Variants in TTC29 observed in about 807,000 individuals in gnomAD.
TTC29 encodes the protein tetratricopeptide repeat protein 29.
Under a neutral mutation model 58.1 loss-of-function variants are expected in TTC29, and 49 were observed. That is an observed-to-expected ratio of 0.84 (90% confidence interval 0.67 to 1.07). TTC29 has a LOEUF of 1.07. TTC29 is among the 50% of genes least tolerant of loss of function. The pLI is 0.00. For synonymous variants in TTC29, 209 were observed against 196.8 expected (o/e 1.06, Z -0.52); for missense variants, 582 against 555.6 (o/e 1.05, Z -0.48).
At chr4:146,715,598 T>A (rs1742868424) in intron 11 of TTC29, among the ~76,000 whole-genome samples, 1 of 152,056 alleles carries the variant, frequency 6.6e-6, no homozygotes, top group African/African-American at 2.4e-5. Flanking sequence ...ATAGTGGGTA[T>A]TAGAGGCTGG....
At chr4:146,899,875 C>T (rs963633782) in intron 6 of TTC29, among the ~76,000 whole-genome samples, 1 of 152,174 alleles carries the variant, frequency 6.6e-6, no homozygotes, top group Non-Finnish European at 1.5e-5. Context: ...CCCACTTTAG[C>T]ATGAATGAGG....
intron 11 of TTC29, among the ~76,000 whole-genome samples, chr4:146,749,108 A>G (rs1745770743): frequency 6.6e-6 from 1 of 151,988 alleles, no homozygotes; most frequent in Admixed American, 6.5e-5. Flanking sequence ...GCTTTTAGCC[A>G]GAAATTCAAG....
rs1254505608 is a variant in TTC29 at position 146,803,540 on chromosome 4, A to AT, written c.1246dup (p.Ile416AsnfsTer21). The AT allele has an allele frequency of 2.5e-5, 40 of 1,603,232 alleles. No individual in the cohort carries two copies. Among genetic ancestry groups the AT allele is most frequent in the Non-Finnish European group, 3.2e-5 (38 of 1,174,184 alleles). On this transcript the variant is annotated frameshift_variant, in exon 11 of 13. Transcript: ENST00000325106. LOFTEE classifies it high-confidence loss of function. ...GAGGCTGGTGAGATCTGCAGACTCTATATAGTTGTTCACTGTAAGCATCAT... is the reference window on the plus strand; with the variant it reads ...GAGGCTGGTGAGATCTGCAGACTCTATTATAGTTGTTCACTGTAAGCATCAT...
Position 146,925,253 on chromosome 4 carries a change from T to G in TTC29, c.176+12341A>C, listed in dbSNP as rs769639431. Among the ~76,000 whole-genome samples, 3 of 152,086 alleles carry G rather than the reference T, an allele frequency of 2.0e-5. No individual in the cohort carries two copies. In the South Asian group the frequency reaches 6.2e-4, roughly 32 times the overall value. ...AAAGGCATTGTCCAAGGCTTCTATA[T>G]TCCTACTGGTTTTTCTACCAGCTAT... On this transcript the variant is annotated intron_variant, in intron 4 of 12. Transcript: ENST00000325106.
chr4:146,854,883 A>C (rs1729738795), intron 8 of TTC29, among the ~76,000 whole-genome samples: 1 of 152,202 alleles, frequency 6.6e-6, no homozygotes, highest in African/African-American at 2.4e-5. Flanking sequence ...GCTGTTACAC[A>C]CATCTATATA....
intron 6 of TTC29, among the ~76,000 whole-genome samples, chr4:146,890,625 A>C (rs1377685389): frequency 6.6e-6 from 1 of 152,188 alleles, no homozygotes; most frequent in Non-Finnish European, 1.5e-5. Flanking sequence ...GAGGCTTCAC[A>C]GCAGGAAGGC....
chr4:146,760,754 G>GTATA (rs35281359), intron 11 of TTC29, among the ~76,000 whole-genome samples: 3,858 of 116,144 alleles, frequency 0.033, 254 homozygotes, highest in African/African-American at 0.13. Context: ...ATATATATGT[G>GTATA]TATATATATA....
chr4:146,818,074 T>C (rs1294641613), intron 10 of TTC29, among the ~76,000 whole-genome samples: 1 of 152,056 alleles, frequency 6.6e-6, no homozygotes, highest in Admixed American at 6.5e-5. Context: ...AAAGCCAAAA[T>C]TGACAAATGG....
intron 11 of TTC29, among the ~76,000 whole-genome samples, chr4:146,766,760 CTCAA>C (rs1388672797): frequency 6.6e-6 from 1 of 151,904 alleles, no homozygotes; most frequent in East Asian, 1.9e-4. Flanking sequence ...ATAATTTTTT[CTCAA>C]TCAACTTACA....
chr4:146,929,820 G>A (rs73852796), intron 4 of TTC29, among the ~76,000 whole-genome samples: 11,361 of 151,786 alleles, frequency 0.075, 1,449 homozygotes, highest in African/African-American at 0.26. Context: ...TCTGTGATGT[G>A]CAATACAGCA....
intron 11 of TTC29, among the ~76,000 whole-genome samples, chr4:146,758,880 C>T (rs1013797101): frequency 5.9e-5 from 9 of 151,974 alleles, no homozygotes; most frequent in Non-Finnish European, 1.0e-4. Flanking sequence ...ACACCTACAT[C>T]AAAAAGACTG....
intron 11 of TTC29, among the ~76,000 whole-genome samples, chr4:146,741,849 T>C (rs1745177230): frequency 6.6e-6 from 1 of 152,212 alleles, no homozygotes; most frequent in African/African-American, 2.4e-5. Flanking sequence ...GGGAAGCTTC[T>C]CCTAAGTTAG....
At chr4:146,771,258 T>C (rs574273831) in intron 11 of TTC29, among the ~76,000 whole-genome samples, 160 of 152,210 alleles carry the variant, frequency 1.1e-3, no homozygotes, top group African/African-American at 3.5e-3. Flanking sequence ...GATGTTTCTT[T>C]GTTTTAACTT....
intron 8 of TTC29, among the ~76,000 whole-genome samples, chr4:146,842,995 T>C (rs994759008): frequency 4.6e-5 from 7 of 152,190 alleles, no homozygotes; most frequent in African/African-American, 1.7e-4. Flanking sequence ...TCATTTACAG[T>C]GTCTGAACAT....
At chr4:146,769,274 T>C (rs957009750) in intron 11 of TTC29, among the ~76,000 whole-genome samples, 1 of 151,998 alleles carries the variant, frequency 6.6e-6, no homozygotes, top group Non-Finnish European at 1.5e-5. Flanking sequence ...TATTTTTGAC[T>C]TTCCTTTTAG....
chr4:146,745,498 G>A (rs1561082883), intron 11 of TTC29, among the ~76,000 whole-genome samples: 1 of 152,192 alleles, frequency 6.6e-6, no homozygotes, highest in Non-Finnish European at 1.5e-5. Flanking sequence ...AAAGAGAGAG[G>A]AATAAAGAAT....
intron 11 of TTC29, among the ~76,000 whole-genome samples, chr4:146,751,132 T>A (rs1189388863): frequency 6.6e-6 from 1 of 152,176 alleles, no homozygotes; most frequent in Non-Finnish European, 1.5e-5. Flanking sequence ...TCACTATTTA[T>A]TGATAAAGGT....
intron 10 of TTC29, among the ~76,000 whole-genome samples, chr4:146,804,739 G>A (rs1336465879): frequency 6.6e-6 from 1 of 152,198 alleles, no homozygotes; most frequent in Non-Finnish European, 1.5e-5. Context: ...CCCCAGTCAG[G>A]GGCTTATAGA....
At chr4:146,883,375 G>A (rs1326502511) in intron 6 of TTC29, among the ~76,000 whole-genome samples, 1 of 150,226 alleles carries the variant, frequency 6.7e-6, no homozygotes, top group Non-Finnish European at 1.5e-5. Context: ...AACTTTTCAC[G>A]TGGAGTTATA....
Sources: gnomAD v4.1 joint callset for allele counts (sites outside exome capture counted in the v4.1 genomes callset) on GRCh38, gnomAD v4.1.1 for gene constraint, MANE v1.5 for transcripts, NCBI Gene and HGNC (gene_info 2026-07-23, HGNC 2026-07-21) for gene names.